GALNT13: variants seen among roughly 807,000 people sequenced by gnomAD.
GALNT13 encodes the protein polypeptide N-acetylgalactosaminyltransferase 13.
In GALNT13, 28 loss-of-function variants were observed where a neutral mutation model predicts 64.2. The ratio of observed to expected loss-of-function variants is 0.44; its 90% CI spans 0.32 to 0.60. The LOEUF is 0.60. Among genes scored for constraint, GALNT13 ranks in the 20% least tolerant of loss-of-function variants. The pLI is 0.05. For synonymous variants in GALNT13, 214 were observed against 224.6 expected, an observed-to-expected ratio of 0.95 and a Z score of 0.42; for missense variants, 577 against 669.8, an observed-to-expected ratio of 0.86 and a Z score of 1.53.
At chr2:153,232,011 A>G in the GALNT13 span, among the ~76,000 whole-genome samples, 1 of 152,198 alleles carries the variant, frequency 6.6e-6, no homozygotes, top group African/African-American at 2.4e-5. Context: ...GGAAAAAGAA[A>G]TGTGAAAACG....
the GALNT13 span, among the ~76,000 whole-genome samples, chr2:153,521,591 T>C: frequency 4.6e-5 from 7 of 152,188 alleles, no homozygotes; most frequent in African/African-American, 7.2e-5. Context: ...CTTGGTGTTG[T>C]ACCATCCTGT....
chr2:153,068,847 G>A, the GALNT13 span, among the ~76,000 whole-genome samples: 2 of 152,244 alleles, frequency 1.3e-5, no homozygotes, highest in East Asian at 3.9e-4. Context: ...CCTTTGTTTT[G>A]TAGGTAATGT....
the GALNT13 span, among the ~76,000 whole-genome samples, chr2:153,527,653 G>A: frequency 6.6e-6 from 1 of 152,108 alleles, no homozygotes; most frequent in Admixed American, 6.6e-5. Context: ...ACTGTGGTGT[G>A]TAAACTACTA....
At chr2:153,264,637 G>A in the GALNT13 span, among the ~76,000 whole-genome samples, 1,503 of 152,264 alleles carry the variant, frequency 9.9e-3, 26 homozygotes, top group African/African-American at 0.035. Context: ...GTTTTTTGAA[G>A]GAACATGAAT....
chr2:154,415,639 A>G (rs1367629863), intron 11 of GALNT13, among the ~76,000 whole-genome samples: 3 of 152,290 alleles, frequency 2.0e-5, no homozygotes, highest in Non-Finnish European at 2.9e-5. Context: ...ACATCTGATT[A>G]CTTAAATTGA....
the GALNT13 span, among the ~76,000 whole-genome samples, chr2:153,124,938 T>C: frequency 6.6e-6 from 1 of 152,222 alleles, no homozygotes; most frequent in Non-Finnish European, 1.5e-5. Flanking sequence ...GAGGTCATTC[T>C]GTCCAACCCC....
intron 3 of GALNT13, among the ~76,000 whole-genome samples, chr2:154,067,470 A>C (rs1700526980): frequency 6.6e-6 from 1 of 152,120 alleles, no homozygotes. Context: ...TAAAACTAAA[A>C]AAGAGCAGGA....
chr2:154,200,452 C>A (rs1316460918), intron 4 of GALNT13, among the ~76,000 whole-genome samples: 2 of 152,068 alleles, frequency 1.3e-5, no homozygotes, highest in African/African-American at 2.4e-5. Context: ...GTTTGTAAAG[C>A]TATAACAAAA....
At chr2:153,558,667 C>T in the GALNT13 span, among the ~76,000 whole-genome samples, 2,929 of 152,024 alleles carry the variant, frequency 0.019, 102 homozygotes, top group African/African-American at 0.067. Flanking sequence ...CTTTCATTCA[C>T]ATAATGACCC....
chr2:153,613,705 A>G, the GALNT13 span, among the ~76,000 whole-genome samples: 2 of 152,130 alleles, frequency 1.3e-5, no homozygotes, highest in Admixed American at 6.6e-5. Flanking sequence ...ATTCCCACCT[A>G]TGAGTGAGAA....
Position 154,212,306 on chromosome 2 carries a change from G to A in GALNT13, c.312-29724G>A, listed in dbSNP as rs1687820577. Among the ~76,000 whole-genome samples, 3 of 151,942 alleles carry A rather than the reference G, an allele frequency of 2.0e-5. No homozygotes were observed. In the South Asian group the frequency reaches 6.2e-4, roughly 32 times the overall value. On this transcript the variant is annotated intron_variant, in intron 4 of 12. Coordinates refer to ENST00000392825, the MANE Select transcript of GALNT13 (RefSeq NM_052917.4). ...ATCGCCCAGGCTGGAGTCCAATGGCGAAATCTCGGCTCACTTCAACCTCTG... is the reference window on the plus strand; with the variant it reads ...ATCGCCCAGGCTGGAGTCCAATGGCAAAATCTCGGCTCACTTCAACCTCTG...
At chr2:153,321,510 G>C in the GALNT13 span, among the ~76,000 whole-genome samples, 1 of 152,096 alleles carries the variant, frequency 6.6e-6, no homozygotes, top group Non-Finnish European at 1.5e-5. Context: ...ATACAAAAAA[G>C]TAAAAATCTA....
chr2:153,280,461 G>A, the GALNT13 span, among the ~76,000 whole-genome samples: 1 of 152,028 alleles, frequency 6.6e-6, no homozygotes, highest in African/African-American at 2.4e-5. Context: ...ACCATTAGGT[G>A]GTTAATTTGA....
At chr2:153,509,098 A>T in the GALNT13 span, among the ~76,000 whole-genome samples, 4 of 152,190 alleles carry the variant, frequency 2.6e-5, no homozygotes, top group Admixed American at 1.3e-4. Flanking sequence ...AAACGTGATT[A>T]CCCGTCCAGG....
chr2:153,230,095 C>A, the GALNT13 span, among the ~76,000 whole-genome samples: 3 of 152,144 alleles, frequency 2.0e-5, no homozygotes, highest in Non-Finnish European at 2.9e-5. Flanking sequence ...AGTCTCTGAG[C>A]GTGTGCTGGG....
intron 9 of GALNT13, among the ~76,000 whole-genome samples, chr2:154,375,704 C>A (rs1574191070): frequency 6.6e-6 from 1 of 152,088 alleles, no homozygotes; most frequent in Non-Finnish European, 1.5e-5. Flanking sequence ...GATTTTCAAA[C>A]CACTTACAAA....
At chr2:153,078,133 G>T in the GALNT13 span, among the ~76,000 whole-genome samples, 1 of 151,458 alleles carries the variant, frequency 6.6e-6, no homozygotes, top group Non-Finnish European at 1.5e-5. Context: ...TTTTTCTTTG[G>T]TTATTATTTT....
the GALNT13 span, among the ~76,000 whole-genome samples, chr2:153,495,213 A>C: frequency 6.6e-6 from 1 of 152,144 alleles, no homozygotes; most frequent in Non-Finnish European, 1.5e-5. Flanking sequence ...ACAATGGTAC[A>C]ATCCTTTAGA....
In GALNT13 at chr2:153,932,538, A is replaced by G. The variant is rs142583368; in HGVS notation, c.-104-11856A>G. On this transcript the variant is annotated intron_variant, in intron 2 of 12. Transcript: ENST00000392825. Reference sequence around the variant, plus strand: ...TCTACCTTAATTTCATTGTTTGCCCAAAAGTCATTCAGGAGCAGGTTAATT... The same window carrying G: ...TCTACCTTAATTTCATTGTTTGCCCGAAAGTCATTCAGGAGCAGGTTAATT... Among the ~76,000 whole-genome samples the G allele has an allele frequency of 4.1e-3, 626 of 151,784 alleles. 4 individuals carry two copies. The highest frequency in any genetic ancestry group is 0.014 in the African/African-American group (597 of 41,470).
Sources: allele counts gnomAD v4.1 joint callset (sites outside exome capture counted in the v4.1 genomes callset), GRCh38; gene constraint gnomAD v4.1.1; transcripts MANE v1.5; gene names NCBI Gene and HGNC (gene_info 2026-07-23, HGNC 2026-07-21).